Variants in TLR7 observed in about 807,000 individuals in gnomAD.
TLR7 encodes toll-like receptor 7.
A neutral mutation model predicts 38.3 loss-of-function variants in TLR7; 12 were observed. That is an observed-to-expected ratio of 0.31 (90% confidence interval 0.20 to 0.51). The LOEUF (loss-of-function observed/expected upper bound fraction) is 0.51, where lower values mean the gene tolerates loss of function less well. Among genes scored for constraint, TLR7 ranks in the 20% least tolerant of loss-of-function variants. The pLI, the probability that TLR7 is intolerant of heterozygous loss-of-function variation, is 0.98. For missense variants in TLR7, 504 were observed against 743.4 expected (o/e 0.68, Z 3.74); for synonymous variants, 285 against 293.8 (o/e 0.97, Z 0.31).
chrX:12,888,785 AG>A lies in TLR7; in HGVS notation c.*131del. On this transcript the variant is annotated 3_prime_UTR_variant, in exon 3 of 3. Transcript: ENST00000380659. The stretch of plus-strand genomic sequence containing the variant: ...CAAGAAATGAGATTGCCCATATTTC[AG>A]GGGAGCCACCAACGTCTGTCACAGG... The A allele has an allele frequency of 1.3e-6, 1 of 774,206 alleles. No homozygotes were observed. Among genetic ancestry groups the A allele is most frequent in the Admixed American group, 3.6e-5 (1 of 27,496 alleles). The allele number at this position is 774,206 out of a possible 1,213,427, so 63.8% of individuals were successfully genotyped here. A position where few individuals can be genotyped will look rare whatever the true frequency, so the allele number is the denominator to read the frequency against.
chrX:12,871,778 C>A (rs759396176), intron 2 of TLR7, among the ~76,000 whole-genome samples: 138 of 111,428 alleles, frequency 1.2e-3, no homozygotes, highest in Non-Finnish European at 2.4e-3. Flanking sequence ...GCCTTTCTGA[C>A]TGGTTGGTTA....
At chrX:12,878,969 C>T (rs1172979424) in intron 2 of TLR7, among the ~76,000 whole-genome samples, 3 of 111,814 alleles carry the variant, frequency 2.7e-5, no homozygotes, top group African/African-American at 9.8e-5. Context: ...CTTTTTCAAC[C>T]CTGCAAAGCC....
chrX:12,882,002 G>A (rs1482140530), intron 2 of TLR7, among the ~76,000 whole-genome samples: 1 of 111,367 alleles, frequency 9.0e-6, no homozygotes, highest in East Asian at 2.8e-4. Context: ...ACTAAGGGGT[G>A]GTAATGACCG....
chrX:12,867,541 A>T lies in TLR7; in HGVS notation c.-38A>T. 8.3e-7 allele frequency: 1 copy of T among 1,204,715 alleles called. No individual in the cohort carries two copies. The highest frequency in any genetic ancestry group is 2.2e-5 in the Admixed American group (1 of 45,899). ...CACCTCTCATGCTCTGCTCTCTTCA[A>T]CCAGACCTCTACATTCCATTTTGGA... On this transcript the variant is annotated 5_prime_UTR_variant, in exon 2 of 3. Coordinates refer to ENST00000380659, the MANE Select transcript of TLR7 (RefSeq NM_016562.4).
chrX:12,869,974 A>G (rs758749206), intron 2 of TLR7, among the ~76,000 whole-genome samples: 1 of 110,428 alleles, frequency 9.1e-6, no homozygotes, highest in African/African-American at 3.3e-5. Flanking sequence ...CACTCATGGT[A>G]TAATGTTAAA....
At position 12,886,962 on chromosome X, in the gene TLR7, T is replaced by C; in HGVS notation, c.1454T>C (p.Met485Thr). The C allele has an allele frequency of 8.3e-7, 1 of 1,211,539 alleles. No individual in the cohort carries two copies. Among genetic ancestry groups the C allele is most frequent in the Non-Finnish European group, 1.1e-6 (1 of 895,388 alleles). The change falls in exon 3 of 3, where the codon ATG becomes ACG. Residue 485 changes from methionine to threonine, a missense_variant. Coordinates refer to ENST00000380659, the MANE Select transcript of TLR7 (RefSeq NM_016562.4). ...TTCAAAAACAAAGAGGCTTCTTTCA[T>C]GTCTGTTAATGAAAGCTGCTACAAG... is the stretch of plus-strand genomic sequence containing the variant. ...CRFKNKEASF[M>T]SVNESCYKYG...
chrX:12,870,936 A>G (rs748609720), intron 2 of TLR7, among the ~76,000 whole-genome samples: 29 of 111,947 alleles, frequency 2.6e-4, no homozygotes, highest in Non-Finnish European at 4.5e-4. Flanking sequence ...CTTATAGAAA[A>G]CAAAGGGATA....
At chrX:12,875,388 A>G (rs753507024) in intron 2 of TLR7, among the ~76,000 whole-genome samples, 2 of 112,264 alleles carry the variant, frequency 1.8e-5, no homozygotes, top group Non-Finnish European at 3.8e-5. Context: ...TAGATTCTCA[A>G]TAATGTTTGT....
At chrX:12,869,574 C>T (rs1165181961) in intron 2 of TLR7, among the ~76,000 whole-genome samples, 27 of 110,261 alleles carry the variant, frequency 2.4e-4, no homozygotes, top group African/African-American at 3.3e-5. Context: ...ACAACACTCA[C>T]TGAGGCCTGT....
chrX:12,884,555 T>A (rs1473635504), intron 2 of TLR7, among the ~76,000 whole-genome samples: 1 of 112,070 alleles, frequency 8.9e-6, no homozygotes, highest in Admixed American at 9.4e-5. Flanking sequence ...ATATTCCCTT[T>A]TAGGGCCTTT....
At chrX:12,868,173 G>T (rs1384850297) in intron 2 of TLR7, among the ~76,000 whole-genome samples, 1 of 112,057 alleles carries the variant, frequency 8.9e-6, no homozygotes, top group African/African-American at 3.2e-5. Flanking sequence ...TAGAGTGGGG[G>T]TCAGTGGATG....
intron 2 of TLR7, among the ~76,000 whole-genome samples, chrX:12,879,246 G>C (rs2042883273): frequency 9.0e-6 from 1 of 111,724 alleles, no homozygotes; most frequent in African/African-American, 3.2e-5. Context: ...TCTTGTGATG[G>C]CATAATATAG....
rs868376813 is a variant in TLR7, at chrX:12,885,993, C to T, written c.485C>T (p.Ser162Phe). The T allele has an allele frequency of 1.7e-6, 2 of 1,211,997 alleles. No individual in the cohort carries two copies. Among genetic ancestry groups the T allele is most frequent in the Admixed American group, 2.2e-5 (1 of 46,061 alleles). ...AGCCTTGAGGCCAACAACATCTTTT[C>T]CATCAGAAAAGAGAATCTAACAGAA... is the stretch of plus-strand genomic sequence containing the variant. ...LLSLEANNIFSIRKENLTELA... is the reference protein window; with the variant it reads ...LLSLEANNIFFIRKENLTELA... The change falls in exon 3 of 3, where the codon TCC becomes TTC. Residue 162 changes from serine (S) to phenylalanine (F), a missense_variant. Physicochemically the swap from Ser to Phe is radical, Grantham distance 155. Coordinates refer to ENST00000380659, the MANE Select transcript of TLR7 (RefSeq NM_016562.4).
At chrX:12,870,569 C>T (rs2042848869) in intron 2 of TLR7, among the ~76,000 whole-genome samples, 2 of 111,410 alleles carry the variant, frequency 1.8e-5, no homozygotes, top group South Asian at 7.5e-4. Flanking sequence ...TAATGTATAT[C>T]CCCGAAACTC....
chrX:12,877,734 C>T (rs755739016), intron 2 of TLR7: 1 of 110,708 alleles, frequency 9.0e-6, no homozygotes, highest in Admixed American at 9.7e-5. Context: ...TCTGCAGCTC[C>T]ACTTCCCGTG....
chrX:12,870,248 T>G (rs2042847771), intron 2 of TLR7, among the ~76,000 whole-genome samples: 2 of 111,851 alleles, frequency 1.8e-5, no homozygotes, highest in Non-Finnish European at 3.8e-5. Flanking sequence ...TAAAACCAAA[T>G]TTTTGTACTG....
Position 12,886,653 on chromosome X carries a change from TTA to T in TLR7, c.1146_1147del (p.Phe382LeufsTer7). The T allele has an allele frequency of 8.3e-7, 1 of 1,211,939 alleles. No individual in the cohort carries two copies. On this transcript the variant is annotated frameshift_variant, in exon 3 of 3. Transcript: ENST00000380659. LOFTEE classifies it high-confidence loss of function. ...ATTCTGCGGATCAGAGGATATGTCT[TTA>T]AAGAGTTGAAAAGCTTTAACCTCTC...
At chrX:12,869,335 CT>C (rs1358186198) in intron 2 of TLR7, among the ~76,000 whole-genome samples, 2 of 111,630 alleles carry the variant, frequency 1.8e-5, no homozygotes, top group Admixed American at 9.5e-5. Flanking sequence ...TTTAGAAACT[CT>C]TCTTAAAGAA....
intron 2 of TLR7, among the ~76,000 whole-genome samples, chrX:12,885,236 T>C (rs1347440364): frequency 8.9e-6 from 1 of 112,412 alleles, no homozygotes; most frequent in African/African-American, 3.2e-5. Context: ...TAGTGTTCCA[T>C]GTAACAACGA....
Sources: gnomAD v4.1 joint callset for allele counts (sites outside exome capture counted in the v4.1 genomes callset) on GRCh38, gnomAD v4.1.1 for gene constraint, MANE v1.5 for transcripts, NCBI Gene and HGNC (gene_info 2026-07-23, HGNC 2026-07-21) for gene names.